The following SCAMP1 variants were observed in gnomAD, a reference collection of about 807,000 sequenced individuals.
The protein encoded by SCAMP1 is secretory carrier-associated membrane protein 1.
In SCAMP1, 15 loss-of-function variants were observed where a neutral mutation model predicts 41.8. The observed-to-expected ratio is 0.36, with a 90% CI of 0.24 to 0.55. The LOEUF (loss-of-function observed/expected upper bound fraction) is 0.55. Ranked by LOEUF, SCAMP1 falls within the 20% of genes least tolerant of loss-of-function variation. The pLI is 0.86. For synonymous variants in SCAMP1, 135 were observed against 136.8 expected, an observed-to-expected ratio of 0.99 and a Z score of 0.09; for missense variants, 341 against 412.6, an observed-to-expected ratio of 0.83 and a Z score of 1.50.
chr5:78,393,634 T>C (rs1426178730), intron 2 of SCAMP1, among the ~76,000 whole-genome samples: 1 of 152,236 alleles, frequency 6.6e-6, no homozygotes, highest in African/African-American at 2.4e-5. Flanking sequence ...ACTATAAAAA[T>C]GGAAGATAGT....
chr5:78,475,447 T>C (rs1753981696), intron 8 of SCAMP1, 57 bp from the exon 9 acceptor site: 1 of 1,313,528 alleles, frequency 7.6e-7, no homozygotes, highest in Non-Finnish European at 1.0e-6. Flanking sequence ...TAAGAGCTGC[T>C]GGAAATGAAT....
rs1295338571 is a variant in SCAMP1 at position 78,478,268 on chromosome 5, T to A, written c.*2600T>A. ...TAACACAGAGTGTCATAAAATAAAA[T>A]GCTGTTTACTGGATGTTTGTTTGTA... On this transcript the variant is annotated 3_prime_UTR_variant, in exon 9 of 9. Coordinates refer to ENST00000621999, the MANE Select transcript of SCAMP1 (RefSeq NM_004866.6). The A allele has an allele frequency of 6.6e-6, 1 of 152,598 alleles. No homozygotes were observed. The highest frequency in any genetic ancestry group is 1.5e-5 in the Non-Finnish European group (1 of 67,982). The allele number at this position is 152,598 out of a possible 1,614,324, so 9.5% of individuals were successfully genotyped here.
intron 8 of SCAMP1, among the ~76,000 whole-genome samples, chr5:78,469,711 T>C (rs765016897): frequency 6.6e-6 from 1 of 151,422 alleles, no homozygotes; most frequent in Non-Finnish European, 1.5e-5. Flanking sequence ...GAAATATAAT[T>C]CACATACAAT....
intron 7 of SCAMP1, among the ~76,000 whole-genome samples, chr5:78,452,438 G>GT (rs1753262359): frequency 7.5e-6 from 1 of 133,144 alleles, no homozygotes; most frequent in East Asian, 2.2e-4. Context: ...AATATGCGGT[G>GT]TTTGGTTTTT....
In SCAMP1 at chr5:78,414,130, A is replaced by G. The variant is rs921360874; in HGVS notation, c.136-1390A>G. Among the ~76,000 whole-genome samples the G allele has an allele frequency of 3.3e-5, 5 of 152,012 alleles. No individual in the cohort carries two copies. The East Asian group carries it at 9.6e-4, about 29-fold the overall frequency. On this transcript the variant is annotated intron_variant, in intron 2 of 8. Coordinates refer to ENST00000621999, the MANE Select transcript of SCAMP1 (RefSeq NM_004866.6). The stretch of plus-strand genomic sequence containing the variant: ...AGGGAAGCAAATAATACAGAGGCAT[A>G]TAAAACAACAGGTGCAAGTCCGTCT...
chr5:78,423,006 ACG>A (rs750021109), intron 6 of SCAMP1, among the ~76,000 whole-genome samples: 14 of 45,094 alleles, frequency 3.1e-4, no homozygotes, highest in African/African-American at 9.1e-4. Context: ...TGTGTAACAC[ACG>A]CGCGCGCGCA....
intron 2 of SCAMP1, among the ~76,000 whole-genome samples, chr5:78,413,717 C>T (rs1752139623): frequency 6.6e-6 from 1 of 152,142 alleles, no homozygotes; most frequent in South Asian, 2.1e-4. Flanking sequence ...TGCACCCAGC[C>T]GGTTCTTGCC....
intron 1 of SCAMP1, among the ~76,000 whole-genome samples, chr5:78,362,717 T>A (rs1285706630): frequency 6.6e-6 from 1 of 152,140 alleles, no homozygotes; most frequent in Non-Finnish European, 1.5e-5. Flanking sequence ...ATTTTTCCAT[T>A]TATGTTCACC....
chr5:78,449,845 T>C (rs535766054), intron 6 of SCAMP1, 88 bp from the exon 7 acceptor site: 1 of 742,764 alleles, frequency 1.3e-6, no homozygotes, highest in Non-Finnish European at 2.2e-6. Flanking sequence ...TGCAGGTAAA[T>C]GTAAAGATAA....
At position 78,475,874 on chromosome 5, in the gene SCAMP1, A is replaced by G. The variant is rs547375476; in HGVS notation, c.*206A>G. ...TAATATTTCAGTGCCCCTTGCAGAA[A>G]AAATATTACATGCTAAATAAATATT... On this transcript the variant is annotated 3_prime_UTR_variant, in exon 9 of 9. Coordinates refer to ENST00000621999, the MANE Select transcript of SCAMP1 (RefSeq NM_004866.6). 3.1e-6 allele frequency: 1 copy of G among 320,036 alleles called. No individual in the cohort carries two copies. Among genetic ancestry groups the G allele is most frequent in the African/African-American group, 2.1e-5 (1 of 46,814 alleles). 19.8% of individuals were successfully genotyped at this position (320,036 alleles called of 1,614,324 possible).
chr5:78,390,624 T>C lies in SCAMP1; in HGVS notation c.135+1710T>C, dbSNP rs187300509. Among the ~76,000 whole-genome samples, 95 of 152,242 alleles carry C rather than the reference T, an allele frequency of 6.2e-4. 1 individual carries two copies. The highest frequency in any genetic ancestry group is 3.4e-3 in the Middle Eastern group (1 of 294). On this transcript the variant is annotated intron_variant, in intron 2 of 8. Coordinates refer to ENST00000621999, the MANE Select transcript of SCAMP1 (RefSeq NM_004866.6). ...ATGGGAACAAGACCATTTTTAAACT[T>C]TGTCGATAAAGAATGAAAAGAGATT... is the stretch of plus-strand genomic sequence containing the variant.
At chr5:78,405,513 A>T (rs893512338) in intron 2 of SCAMP1, among the ~76,000 whole-genome samples, 1 of 151,964 alleles carries the variant, frequency 6.6e-6, no homozygotes, top group Non-Finnish European at 1.5e-5. Context: ...ACCTTTATAA[A>T]CTTATTCTGT....
intron 1 of SCAMP1, among the ~76,000 whole-genome samples, chr5:78,386,452 A>C (rs1329541681): frequency 6.6e-6 from 1 of 151,772 alleles, no homozygotes; most frequent in African/African-American, 2.4e-5. Context: ...TTTACAATCA[A>C]CGTTATTATT....
At chr5:78,372,981 TAAC>T (rs1750977397) in intron 1 of SCAMP1, among the ~76,000 whole-genome samples, 1 of 152,066 alleles carries the variant, frequency 6.6e-6, no homozygotes, top group Non-Finnish European at 1.5e-5. Flanking sequence ...ATAAGAAACA[TAAC>T]AACAACAATA....
At chr5:78,398,367 T>C (rs1751707832) in intron 2 of SCAMP1, among the ~76,000 whole-genome samples, 1 of 128,266 alleles carries the variant, frequency 7.8e-6, no homozygotes, top group Non-Finnish European at 1.7e-5. Context: ...TTTTTTTTTT[T>C]TTTTTTTTTT....
At chr5:78,435,346 AT>A in intron 6 of SCAMP1, among the ~76,000 whole-genome samples, 1 of 152,218 alleles carries the variant, frequency 6.6e-6, no homozygotes, top group Middle Eastern at 3.4e-3. Flanking sequence ...TCAACTCATC[AT>A]TTACATTAGG....
chr5:78,410,962 A>T (rs965169477), intron 2 of SCAMP1, among the ~76,000 whole-genome samples: 1 of 151,994 alleles, frequency 6.6e-6, no homozygotes, highest in African/African-American at 2.4e-5. Context: ...GTGTCTGTTC[A>T]TGTCCTTTGC....
chr5:78,409,047 C>T lies in SCAMP1; in HGVS notation c.136-6473C>T, dbSNP rs778762110. 8.5e-4 allele frequency among the ~76,000 whole-genome samples: 129 copies of T among 152,098 alleles called. 2 individuals carry two copies. Among genetic ancestry groups the T allele is most frequent in the Admixed American group, 5.8e-3 (89 of 15,256 alleles). The stretch of plus-strand genomic sequence containing the variant: ...CTTTTTTCTTACTCATCCACTGAAA[C>T]GGTCATTTTTTAGAGACTCCTGGCT... On this transcript the variant is annotated intron_variant, in intron 2 of 8. Transcript: ENST00000621999.
intron 6 of SCAMP1, among the ~76,000 whole-genome samples, chr5:78,434,894 T>G (rs1026959154): frequency 4.2e-4 from 64 of 152,320 alleles, no homozygotes; most frequent in Admixed American, 2.9e-3. Flanking sequence ...TAAAAATACT[T>G]TTTGATGAAT....
Sources: gnomAD v4.1 joint callset for allele counts (sites outside exome capture counted in the v4.1 genomes callset) on GRCh38, gnomAD v4.1.1 for gene constraint, MANE v1.5 for transcripts, NCBI Gene and HGNC (gene_info 2026-07-23, HGNC 2026-07-21) for gene names.